WFDC9: variants seen among roughly 807,000 people sequenced by gnomAD.
WFDC9 encodes protein WFDC9.
In WFDC9, 9 loss-of-function variants were observed where a neutral mutation model predicts 9.5. That is an observed-to-expected ratio of 0.95 (90% CI 0.57 to 1.65). The LOEUF is 1.65. Among genes scored for constraint, WFDC9 ranks in the 40% most tolerant of loss-of-function variants. The pLI is 0.00. For synonymous variants in WFDC9, 33 were observed against 32.3 expected, an observed-to-expected ratio of 1.02 and a Z score of -0.07; for missense variants, 87 against 106.7, an observed-to-expected ratio of 0.82 and a Z score of 0.81.
At chr20:45,619,677 T>C (rs1982050766) in intron 1 of WFDC9, among the ~76,000 whole-genome samples, 1 of 152,166 alleles carries the variant, frequency 6.6e-6, no homozygotes, top group Admixed American at 6.6e-5. Context: ...AAAACAATGA[T>C]TATAATCATT....
At chr20:45,628,973 C>T (rs763564188) in intron 1 of WFDC9, among the ~76,000 whole-genome samples, 6 of 152,102 alleles carry the variant, frequency 3.9e-5, no homozygotes, top group African/African-American at 1.4e-4. Context: ...CAGTGACCAC[C>T]TCCTCCTGGA....
intron 1 of WFDC9, among the ~76,000 whole-genome samples, chr20:45,622,541 CAATCTT>C (rs1982124602): frequency 1.3e-5 from 2 of 152,102 alleles, no homozygotes; most frequent in African/African-American, 4.8e-5. Context: ...TATTTTGAAA[CAATCTT>C]AAAGTAGCAG....
At chr20:45,622,624 G>T (rs902558256) in intron 1 of WFDC9, among the ~76,000 whole-genome samples, 3 of 151,936 alleles carry the variant, frequency 2.0e-5, no homozygotes, top group Non-Finnish European at 2.9e-5. Context: ...TTACTTAATG[G>T]TGCCCAATCA....
intron 1 of WFDC9, among the ~76,000 whole-genome samples, chr20:45,627,842 T>G (rs1982255378): frequency 6.6e-6 from 1 of 152,214 alleles, no homozygotes; most frequent in African/African-American, 2.4e-5. Context: ...ATGTCCTTTG[T>G]GATGTAATTC....
intron 1 of WFDC9, among the ~76,000 whole-genome samples, chr20:45,617,210 A>C (rs1981990465): frequency 6.6e-6 from 1 of 152,222 alleles, no homozygotes; most frequent in Non-Finnish European, 1.5e-5. Context: ...TAATCCCAGC[A>C]CTTTGGGAGG....
chr20:45,624,754 T>A (rs1280268848), intron 1 of WFDC9, among the ~76,000 whole-genome samples: 1 of 152,210 alleles, frequency 6.6e-6, no homozygotes, highest in East Asian at 1.9e-4. Context: ...TTTGTTGTTA[T>A]TGTAGCGATC....
chr20:45,608,837 C>T (rs368999714), intron 3 of WFDC9, 27 bp from the exon 4 acceptor site: 47 of 1,591,892 alleles, frequency 3.0e-5, no homozygotes, highest in South Asian at 4.6e-5. Context: ...TAGCAGGGTC[C>T]GTCTATTCAC....
chr20:45,629,896 G>A, intron 1 of WFDC9: 1 of 1,613,704 alleles, frequency 6.2e-7, no homozygotes, highest in South Asian at 1.1e-5. Flanking sequence ...GACAAGAAGA[G>A]GATGCAGAGT....
intron 1 of WFDC9, among the ~76,000 whole-genome samples, chr20:45,619,498 G>T (rs1161755891): frequency 1.3e-5 from 2 of 152,044 alleles, no homozygotes; most frequent in Non-Finnish European, 2.9e-5. Context: ...TTGCTACCAG[G>T]TCTGCCTTTC....
intron 1 of WFDC9, among the ~76,000 whole-genome samples, chr20:45,625,807 CTTTTTTTTTTTTTT>C (rs76758338): frequency 4.3e-5 from 2 of 46,416 alleles, no homozygotes; most frequent in African/African-American, 9.7e-5. Flanking sequence ...GTTCTCTATT[CTTTTTTTTTTTTTT>C]TTTTTTTTTT....
chr20:45,621,959 G>A (rs951612781), intron 1 of WFDC9, among the ~76,000 whole-genome samples: 7 of 152,164 alleles, frequency 4.6e-5, no homozygotes, highest in Admixed American at 1.3e-4. Flanking sequence ...TGGGGATAGC[G>A]TTGGGAATCC....
At chr20:45,610,287 G>T (rs535995186) in intron 2 of WFDC9, 48 bp from the exon 3 acceptor site, 2 of 910,786 alleles carry the variant, frequency 2.2e-6, no homozygotes, top group African/African-American at 3.3e-5. Context: ...AAGCAACAGG[G>T]GTAAAGTGCT....
chr20:45,610,576 TGTA>T (rs1981839493), intron 2 of WFDC9, among the ~76,000 whole-genome samples: 3 of 152,252 alleles, frequency 2.0e-5, no homozygotes, highest in African/African-American at 4.8e-5. Flanking sequence ...ACTTTTATGT[TGTA>T]GTCATTATTT....
chr20:45,626,689 C>T (rs1234146300), intron 1 of WFDC9, among the ~76,000 whole-genome samples: 1 of 152,130 alleles, frequency 6.6e-6, no homozygotes, highest in Non-Finnish European at 1.5e-5. Flanking sequence ...TTGGTAGAGT[C>T]TAAGTTTTTC....
chr20:45,608,553 C>T, intron 4 of WFDC9, 110 bp downstream of exon 4: 1 of 1,347,646 alleles, frequency 7.4e-7, no homozygotes, highest in Non-Finnish European at 1.0e-6. Context: ...TTGTCTTTTG[C>T]TGCCTATTTC....
At chr20:45,612,730 A>C (rs1436500935) in intron 2 of WFDC9, among the ~76,000 whole-genome samples, 1 of 152,216 alleles carries the variant, frequency 6.6e-6, no homozygotes, top group African/African-American at 2.4e-5. Context: ...TATTAAGACT[A>C]CTTTTTAACA....
intron 1 of WFDC9, among the ~76,000 whole-genome samples, chr20:45,626,153 G>A (rs989352030): frequency 6.7e-5 from 9 of 134,584 alleles, no homozygotes; most frequent in Non-Finnish European, 9.8e-5. Context: ...ATTAGTCTAC[G>A]TGTCTGTTTT....
At chr20:45,612,092 A>C (rs1424527421) in intron 2 of WFDC9, among the ~76,000 whole-genome samples, 1 of 152,230 alleles carries the variant, frequency 6.6e-6, no homozygotes, top group African/African-American at 2.4e-5. Context: ...GGAAGATTAA[A>C]TAATATGTAT....
chr20:45,612,821 C>G (rs1981890365), intron 2 of WFDC9, among the ~76,000 whole-genome samples: 2 of 152,076 alleles, frequency 1.3e-5, no homozygotes, highest in Non-Finnish European at 2.9e-5. Flanking sequence ...GAAGAGGAAC[C>G]TAATTACAAT....
Sources: allele counts gnomAD v4.1 joint callset (sites outside exome capture counted in the v4.1 genomes callset), GRCh38; gene constraint gnomAD v4.1.1; transcripts MANE v1.5; gene names NCBI Gene and HGNC (gene_info 2026-07-23, HGNC 2026-07-21).